Variants in SLFN12 observed in about 807,000 individuals in gnomAD.
The protein encoded by SLFN12 is schlafen family member 12, also known as ribonuclease SLFN12.
Under a neutral mutation model 29.1 loss-of-function variants are expected in SLFN12, and 25 were observed. The ratio of observed to expected loss-of-function variants is 0.86; its 90% CI spans 0.63 to 1.20. The LOEUF (loss-of-function observed/expected upper bound fraction) is 1.20. SLFN12 is among the 50% of genes most tolerant of loss of function. The probability of loss-of-function intolerance (pLI) is 0.00; values close to 1 mark genes in which losing one functional copy is unlikely to be tolerated. For synonymous variants in SLFN12, 257 were observed against 238.7 expected, an observed-to-expected ratio of 1.08 and a Z score of -0.71; for missense variants, 660 against 666.2, an observed-to-expected ratio of 0.99 and a Z score of 0.10.
intron 3 of SLFN12, among the ~76,000 whole-genome samples, chr17:35,415,602 AC>A (rs1188968322): frequency 6.6e-6 from 1 of 152,144 alleles, no homozygotes; most frequent in Admixed American, 6.5e-5. Context: ...AATATTTGCA[AC>A]CTATGCATCT....
intron 1 of SLFN12, among the ~76,000 whole-genome samples, chr17:35,428,245 A>C (rs917018883): frequency 1.3e-5 from 2 of 152,176 alleles, no homozygotes; most frequent in African/African-American, 2.4e-5. Context: ...ACTTTCCCAA[A>C]TAATTGTATC....
At chr17:35,427,827 G>A (rs1331742493) in intron 1 of SLFN12, among the ~76,000 whole-genome samples, 2 of 152,054 alleles carry the variant, frequency 1.3e-5, no homozygotes, top group Non-Finnish European at 2.9e-5. Flanking sequence ...CAATGTTTGG[G>A]TATGCTAATC....
At chr17:35,420,521 A>C (rs548598172) in intron 2 of SLFN12, 140 bp from the exon 3 acceptor site, 6 of 560,914 alleles carry the variant, frequency 1.1e-5, no homozygotes, top group Middle Eastern at 4.7e-4. Context: ...TTGTGGTTAG[A>C]TTCTTAGGTC....
chr17:35,422,992 C>G lies in SLFN12; in HGVS notation c.37G>C (p.Glu13Gln). ...ISVDLETNYA[E>Q]LVLDVGRVTL... ...ACTCTTCCCACATCTAGAACCAACT[C>G]GGCATAATTCGTTTCCAAATCAACA... The change falls in exon 2 of 4, where the codon GAG becomes CAG. Residue 13 changes from glutamate to glutamine, a missense_variant. Physicochemically the swap from Glu to Gln is conservative, Grantham distance 29. Transcript: ENST00000304905. The G allele has an allele frequency of 6.2e-7, 1 of 1,612,842 alleles. No individual in the cohort carries two copies. Among genetic ancestry groups the G allele is most frequent in the East Asian group, 2.2e-5 (1 of 44,884 alleles).
intron 1 of SLFN12, among the ~76,000 whole-genome samples, chr17:35,429,911 A>G (rs1912211322): frequency 6.6e-6 from 1 of 151,970 alleles, no homozygotes; most frequent in Non-Finnish European, 1.5e-5. Flanking sequence ...CTGCATGTTC[A>G]GGACTCCAGG....
At position 35,427,782 on chromosome 17, in the gene SLFN12, G is replaced by A. The variant is rs994811599; in HGVS notation, c.-41+4406C>T. Among the ~76,000 whole-genome samples, 5 of 151,870 alleles carry A rather than the reference G, an allele frequency of 3.3e-5. No individual in the cohort carries two copies. In the East Asian group the frequency reaches 5.8e-4, roughly 18 times the overall value. On this transcript the variant is annotated intron_variant, in intron 1 of 3. Coordinates refer to ENST00000304905, the MANE Select transcript of SLFN12 (RefSeq NM_018042.5). ...ACATTGAAGTTGCTTTCAATCATTC[G>A]ATATAATTATACTAGAATCTTGACT...
rs750263704 is a variant in SLFN12, at chr17:35,411,722, A to C, written c.1353T>G (p.Ser451Arg). The C allele has an allele frequency of 6.2e-7, 1 of 1,613,996 alleles. No homozygotes were observed. ...LCDALLISQD[S>R]PPVLYTFHMV... ...TGTGGAAGGTGTATAGGACTGGAGG[A>C]CTGTCCTGGGAAATCAGAAGAGCAT... Residue 451 changes from serine to arginine, a missense_variant, in exon 4 of 4, where the codon AGT (serine) becomes AGG (arginine). Coordinates refer to ENST00000304905, the MANE Select transcript of SLFN12 (RefSeq NM_018042.5).
chr17:35,415,730 T>C (rs913917196), intron 3 of SLFN12, among the ~76,000 whole-genome samples: 3 of 152,008 alleles, frequency 2.0e-5, no homozygotes, highest in Non-Finnish European at 2.9e-5. Context: ...CAAAAGAAGA[T>C]ATACAAATGG....
chr17:35,429,096 T>A (rs1912168880), intron 1 of SLFN12, among the ~76,000 whole-genome samples: 1 of 152,122 alleles, frequency 6.6e-6, no homozygotes, highest in Admixed American at 6.5e-5. Context: ...TAGAGTCTTG[T>A]CCCCTTTCCT....
chr17:35,415,949 G>A lies in SLFN12; in HGVS notation c.1148-4022C>T, dbSNP rs537726417. 5.9e-5 allele frequency among the ~76,000 whole-genome samples: 9 copies of A among 152,296 alleles called. No individual in the cohort carries two copies. The South Asian group carries it at 8.3e-4, about 14-fold the overall frequency. On this transcript the variant is annotated intron_variant, in intron 3 of 3. Coordinates refer to ENST00000304905, the MANE Select transcript of SLFN12 (RefSeq NM_018042.5). ...CAACCACTGTGGAAAAATGTGTGGA[G>A]ATTCATTAGGGAATTAAAAGTAGAA...
rs1911716596 is a variant in SLFN12, at chr17:35,422,321, A to G, written c.708T>C (p.Tyr236=). The G allele has an allele frequency of 3.7e-6, 6 of 1,614,010 alleles. No homozygotes were observed. In the East Asian group the frequency reaches 6.7e-5, roughly 18 times the overall value. The change falls in exon 2 of 4, where the codon TAT becomes TAC. Residue 236 remains tyrosine (Y), a synonymous_variant. Transcript: ENST00000304905. ...TATCTTCATTTAAACCAATGAACAA[A>G]TATCCTCCATCAGTATTTGCAAATG... is the stretch of plus-strand genomic sequence containing the variant. The part of the protein sequence containing the change: ...VSAFANTDGG[Y]LFIGLNEDKE...
chr17:35,426,713 G>A (rs1912039131), intron 1 of SLFN12, among the ~76,000 whole-genome samples: 1 of 152,086 alleles, frequency 6.6e-6, no homozygotes, highest in African/African-American at 2.4e-5. Flanking sequence ...CAAATGCTAT[G>A]GCAAGGCAAA....
intron 1 of SLFN12, among the ~76,000 whole-genome samples, chr17:35,429,078 T>C (rs1385148741): frequency 1.3e-5 from 2 of 152,112 alleles, no homozygotes; most frequent in Non-Finnish European, 2.9e-5. Flanking sequence ...TTTTGCAGCC[T>C]CTCTAACTAG....
At chr17:35,431,730 A>T (rs1912328440) in intron 1 of SLFN12, among the ~76,000 whole-genome samples, 1 of 152,144 alleles carries the variant, frequency 6.6e-6, no homozygotes, top group Non-Finnish European at 1.5e-5. Context: ...ATAATTTGAT[A>T]AGGCCATGCT....
In SLFN12 at chr17:35,422,858, T is replaced by TC; in HGVS notation, c.170dup (p.Val58SerfsTer5). ...CATTCTCAATTTCAGCCTTGATCAC[T>TC]CCCCCTCCAGAATTGAGCAGAGCAC... On this transcript the variant is annotated frameshift_variant, in exon 2 of 4. Coordinates refer to ENST00000304905, the MANE Select transcript of SLFN12 (RefSeq NM_018042.5). LOFTEE classifies it high-confidence loss of function. 3 of 1,613,888 alleles carry TC rather than the reference T, an allele frequency of 1.9e-6. No homozygotes were observed. The highest frequency in any genetic ancestry group is 2.5e-6 in the Non-Finnish European group (3 of 1,179,894).
At chr17:35,430,517 T>C (rs1016090838) in intron 1 of SLFN12, 3 of 152,182 alleles carry the variant, frequency 2.0e-5, no homozygotes, top group Non-Finnish European at 4.4e-5. Flanking sequence ...TAGGTTACAG[T>C]GTCCTCATGG....
At chr17:35,416,961 T>C (rs559143105) in intron 3 of SLFN12, among the ~76,000 whole-genome samples, 30 of 152,178 alleles carry the variant, frequency 2.0e-4, no homozygotes, top group African/African-American at 7.0e-4. Flanking sequence ...AGACAAACCA[T>C]TTTACAGGCA....
Position 35,422,070 on chromosome 17 carries a change from T to G in SLFN12, c.959A>C (p.Asp320Ala). ...FCCAVFAKEP[D>A]SWHVKDNRVM... The stretch of plus-strand genomic sequence containing the variant: ...ACGGTTATCTTTCACATGCCAGGAA[T>G]CAGGCTCTTTAGCAAACACTGCACA... Residue 320 changes from aspartate to alanine, a missense_variant, in exon 2 of 4, where the codon GAT (aspartate) becomes GCT (alanine). Coordinates refer to ENST00000304905, the MANE Select transcript of SLFN12 (RefSeq NM_018042.5). 2 of 1,614,066 alleles carry G rather than the reference T, an allele frequency of 1.2e-6. No homozygotes were observed. Among genetic ancestry groups the G allele is most frequent in the Non-Finnish European group, 1.7e-6 (2 of 1,180,006 alleles).
At position 35,422,782 on chromosome 17, in the gene SLFN12, A is replaced by T. The variant is rs752059886; in HGVS notation, c.247T>A (p.Phe83Ile). The T allele has an allele frequency of 1.2e-6, 2 of 1,613,872 alleles. No homozygotes were observed. The highest frequency in any genetic ancestry group is 3.3e-5 in the Admixed American group (2 of 59,994). Residue 83 changes from phenylalanine (F) to isoleucine (I), a missense_variant, in exon 2 of 4, where the codon TTT becomes ATT. Physicochemically the swap from Phe to Ile is conservative, Grantham distance 21 (BLOSUM62 0). Transcript: ENST00000304905. Reference sequence around the variant, plus strand: ...GGAACAAATAACAGAATGTTACTAAAAGAATTTTCCAAATCTAGTCCTATT... The same window carrying T: ...GGAACAAATAACAGAATGTTACTAATAGAATTTTCCAAATCTAGTCCTATT... ...DGIGLDLENS[F>I]SNILLFVPEY...
Sources: gnomAD v4.1 joint callset for allele counts (sites outside exome capture counted in the v4.1 genomes callset) on GRCh38, gnomAD v4.1.1 for gene constraint, MANE v1.5 for transcripts, NCBI Gene and HGNC (gene_info 2026-07-23, HGNC 2026-07-21) for gene names.